Variants in TAF4B observed in about 807,000 individuals in gnomAD.
The protein encoded by TAF4B is transcription initiation factor TFIID subunit 4B.
TAF4B carries 38 observed loss-of-function variants against 86.4 expected under a neutral mutation model. The observed-to-expected ratio is 0.44, with a 90% CI of 0.34 to 0.58. The LOEUF is 0.58. TAF4B is among the 20% of genes least tolerant of loss of function. The pLI is 0.02. For synonymous variants in TAF4B, 388 were observed against 391.2 expected (o/e 0.99, Z 0.10); for missense variants, 988 against 1,027.6 (o/e 0.96, Z 0.53).
chr18:26,367,057 G>A (rs1362342276), intron 14 of TAF4B, among the ~76,000 whole-genome samples: 1 of 152,180 alleles, frequency 6.6e-6, no homozygotes, highest in Non-Finnish European at 1.5e-5. Context: ...GTGCTTTTAA[G>A]TACTCTAATA....
Position 26,343,632 on chromosome 18 carries a change from T to A in TAF4B, c.2316+8401T>A, listed in dbSNP as rs188032625. ...GAATACCCAGAGTTTCATAATACAG[T>A]TGACATAGGTTTGAAGTGTACAGGT... On this transcript the variant is annotated intron_variant, in intron 13 of 14. Transcript: ENST00000269142. 4.5e-4 allele frequency among the ~76,000 whole-genome samples: 68 copies of A among 152,318 alleles called. No individual in the cohort carries two copies. In the East Asian group the frequency reaches 0.011, roughly 25 times the overall value.
intron 9 of TAF4B, among the ~76,000 whole-genome samples, chr18:26,313,780 C>T (rs937678845): frequency 6.6e-6 from 1 of 152,062 alleles, no homozygotes; most frequent in Non-Finnish European, 1.5e-5. Context: ...ATCCTCCCAC[C>T]TCTGCCTCTC....
At chr18:26,315,020 C>T (rs138054040) in intron 9 of TAF4B, among the ~76,000 whole-genome samples, 108 of 151,754 alleles carry the variant, frequency 7.1e-4, no homozygotes, top group African/African-American at 2.1e-3. Context: ...TTCTTCACTT[C>T]TCTTGATTGG....
chr18:26,324,996 T>A (rs2056992641), intron 11 of TAF4B, among the ~76,000 whole-genome samples: 1 of 152,230 alleles, frequency 6.6e-6, no homozygotes, highest in Non-Finnish European at 1.5e-5. Flanking sequence ...AAAAGTGAGT[T>A]ACTCTTTTTA....
chr18:26,371,116 C>T (rs923618394), intron 14 of TAF4B, among the ~76,000 whole-genome samples: 11 of 151,600 alleles, frequency 7.3e-5, no homozygotes, highest in Non-Finnish European at 7.4e-5. Flanking sequence ...GTTCATGAAG[C>T]GTGAACAAAA....
chr18:26,365,031 G>C (rs1466310420), intron 14 of TAF4B, among the ~76,000 whole-genome samples: 18 of 116,570 alleles, frequency 1.5e-4, no homozygotes, highest in Non-Finnish European at 2.5e-4. Flanking sequence ...TTTTGAGATA[G>C]AGTCTCGCTT....
intron 9 of TAF4B, among the ~76,000 whole-genome samples, chr18:26,301,265 G>C (rs1156359125): frequency 6.6e-6 from 1 of 151,304 alleles, no homozygotes; most frequent in Non-Finnish European, 1.5e-5. Flanking sequence ...TTGTGTGCAT[G>C]TGTGGTTTTC....
rs1476497161 is a variant in TAF4B, at chr18:26,389,951, G to A, written c.2528G>A (p.Cys843Tyr). 3.7e-6 allele frequency: 6 copies of A among 1,614,124 alleles called. No homozygotes were observed. Among genetic ancestry groups the A allele is most frequent in the Admixed American group, 1.7e-5 (1 of 60,012 alleles). The change falls in exon 15 of 15, where the codon TGT (cysteine) becomes TAT (tyrosine). Residue 843 changes from cysteine (C) to tyrosine (Y), a missense_variant. Coordinates refer to ENST00000269142, the MANE Select transcript of TAF4B (RefSeq NM_005640.3). ...TRICLRDLIF[C>Y]MEQEREMKYS... ...ATCTGCCTCAGGGACTTGATATTTT[G>A]TATGGAACAGGAACGGGAGATGAAG...
In TAF4B at chr18:26,274,719, T is replaced by C. The variant is rs1266174126; in HGVS notation, c.654T>C (p.Thr218=). The change falls in exon 4 of 15, where the codon ACT becomes ACC. Residue 218 remains threonine (T), a synonymous_variant. Coordinates refer to ENST00000269142, the MANE Select transcript of TAF4B (RefSeq NM_005640.3). ...TTACTCCTGGAAAGCCATTGAATAC[T>C]GTAACTACCCTGAAGCCTTCAAGTT... is the stretch of plus-strand genomic sequence containing the variant. The part of the protein sequence containing the change: ...VTVTPGKPLN[T]VTTLKPSSLG... The C allele has an allele frequency of 4.3e-6, 7 of 1,614,198 alleles. No homozygotes were observed. Among genetic ancestry groups the C allele is most frequent in the Admixed American group, 1.7e-5 (1 of 60,026 alleles).
rs2055573928 is a variant in TAF4B, at chr18:26,226,445, G to A, written c.-489G>A. ...CTGGGCGCGTGCGCGAGGTCTCCGC[G>A]TGGCTATATAAACATGGCTGGCGTG... On this transcript the variant is annotated 5_prime_UTR_variant, in exon 1 of 15. In the 5' UTR this introduces an upstream ATG that the reference lacks. Coordinates refer to ENST00000269142, the MANE Select transcript of TAF4B (RefSeq NM_005640.3). 3 of 152,506 alleles carry A rather than the reference G, an allele frequency of 2.0e-5. No homozygotes were observed. Among genetic ancestry groups the A allele is most frequent in the Admixed American group, 6.5e-5 (1 of 15,274 alleles). The allele number at this position is 152,506 out of a possible 1,614,324, so 9.4% of individuals were successfully genotyped here. A position where few individuals can be genotyped will look rare whatever the true frequency, so the allele number is the denominator to read the frequency against.
At chr18:26,235,844 A>G (rs951781537) in intron 1 of TAF4B, among the ~76,000 whole-genome samples, 3 of 152,200 alleles carry the variant, frequency 2.0e-5, no homozygotes, top group Non-Finnish European at 4.4e-5. Flanking sequence ...TGCCTCATTG[A>G]TGAGTCTAAG....
intron 9 of TAF4B, chr18:26,295,266 G>T: frequency 2.8e-6 from 1 of 352,986 alleles, no homozygotes; most frequent in Non-Finnish European, 5.6e-6. Context: ...GTCATCTCTT[G>T]GTTGGATGAA....
intron 13 of TAF4B, among the ~76,000 whole-genome samples, chr18:26,346,871 A>G (rs12953597): frequency 0.074 from 382 of 5,174 alleles, 56 homozygotes; most frequent in African/African-American, 0.13. Flanking sequence ...GTATATATAT[A>G]TATGTGTATA....
chr18:26,275,787 A>T (rs1469944422), intron 5 of TAF4B, among the ~76,000 whole-genome samples: 1 of 152,064 alleles, frequency 6.6e-6, no homozygotes, highest in Admixed American at 6.6e-5. Flanking sequence ...AGGCCGAGGC[A>T]GGTGGATCAC....
At chr18:26,367,148 C>T (rs1302255015) in intron 14 of TAF4B, among the ~76,000 whole-genome samples, 1 of 152,116 alleles carries the variant, frequency 6.6e-6, no homozygotes, top group African/African-American at 2.4e-5. Flanking sequence ...AAGAGCATAC[C>T]AGTAGGATAT....
rs555417656 is a variant in TAF4B at position 26,316,394 on chromosome 18, T to C, written c.2002+996T>C. ...CAGGGTTTTCTTCTTCTTCTTCTTT[T>C]TTTTTTCCTCAAGATGGAGGGAGCC... is the stretch of plus-strand genomic sequence containing the variant. On this transcript the variant is annotated intron_variant, in intron 10 of 14. Transcript: ENST00000269142. 3.5e-4 allele frequency among the ~76,000 whole-genome samples: 54 copies of C among 152,196 alleles called. No homozygotes were observed. The East Asian group carries it at 5.6e-3, about 16-fold the overall frequency.
At chr18:26,243,488 T>C (rs1157131500) in intron 1 of TAF4B, among the ~76,000 whole-genome samples, 1 of 152,188 alleles carries the variant, frequency 6.6e-6, no homozygotes, top group Non-Finnish European at 1.5e-5. Context: ...CGTCTAATCT[T>C]TTTTCAAGTT....
At chr18:26,243,730 T>C (rs1041208514) in intron 1 of TAF4B, among the ~76,000 whole-genome samples, 5 of 152,206 alleles carry the variant, frequency 3.3e-5, no homozygotes, top group African/African-American at 1.2e-4. Context: ...TGTCTACCTT[T>C]GGTCTTTGAT....
In TAF4B at chr18:26,389,939, A is replaced by C; in HGVS notation, c.2516A>C (p.Asp839Ala). ...AGAATCACGAGAATCTGCCTCAGGG[A>C]CTTGATATTTTGTATGGAACAGGAA... ...RPRITRICLR[D>A]LIFCMEQERE... Residue 839 changes from aspartate (D) to alanine (A), a missense_variant, in exon 15 of 15, where the codon GAC (aspartate) becomes GCC (alanine). Transcript: ENST00000269142. 1 of 1,614,138 alleles carries C rather than the reference A, an allele frequency of 6.2e-7. No individual in the cohort carries two copies.
Sources: gnomAD v4.1 joint callset for allele counts (sites outside exome capture counted in the v4.1 genomes callset) on GRCh38, gnomAD v4.1.1 for gene constraint, MANE v1.5 for transcripts, NCBI Gene and HGNC (gene_info 2026-07-23, HGNC 2026-07-21) for gene names.